Variants in GRID1 observed in about 807,000 individuals in gnomAD.
GRID1 encodes the protein glutamate receptor ionotropic, delta-1.
GRID1 carries 28 observed loss-of-function variants against 98.0 expected under a neutral mutation model. The ratio of observed to expected loss-of-function variants is 0.29; its 90% CI spans 0.21 to 0.39. The LOEUF (loss-of-function observed/expected upper bound fraction) is 0.39, where lower values mean the gene tolerates loss of function less well. Among genes scored for constraint, GRID1 ranks in the 10% least tolerant of loss-of-function variants. The pLI is 1.00. For synonymous variants in GRID1, 553 were observed against 538.5 expected (o/e 1.03, Z -0.37); for missense variants, 1,111 against 1,340.5 (o/e 0.83, Z 2.67).
intron 3 of GRID1, among the ~76,000 whole-genome samples, chr10:86,201,003 G>T (rs867038365): frequency 3.3e-5 from 5 of 152,346 alleles, no homozygotes; most frequent in Middle Eastern, 3.4e-3. Flanking sequence ...TTGGAAAACA[G>T]TTTGGTCTAA....
intron 2 of GRID1, among the ~76,000 whole-genome samples, chr10:86,356,478 T>C (rs562577806): frequency 6.6e-6 from 1 of 152,134 alleles, no homozygotes; most frequent in Non-Finnish European, 1.5e-5. Flanking sequence ...ACATGGCTGG[T>C]TGTGGCCAAC....
intron 3 of GRID1, among the ~76,000 whole-genome samples, chr10:86,197,250 G>C (rs750483694): frequency 6.6e-6 from 1 of 152,162 alleles, no homozygotes; most frequent in Non-Finnish European, 1.5e-5. Flanking sequence ...GCAGACGTCT[G>C]CACGTGCAGG....
chr10:85,780,057 G>A (rs1842367666), intron 8 of GRID1, among the ~76,000 whole-genome samples: 1 of 152,320 alleles, frequency 6.6e-6, no homozygotes, highest in Non-Finnish European at 1.5e-5. Context: ...GCTCCCTTAA[G>A]GCTCAGCAGT....
chr10:85,924,346 C>T (rs1299197067), intron 4 of GRID1, among the ~76,000 whole-genome samples: 4 of 152,120 alleles, frequency 2.6e-5, no homozygotes, highest in Admixed American at 6.5e-5. Flanking sequence ...TTAGTGCTGC[C>T]TGTATTTGCA....
chr10:86,108,267 C>A (rs1844423801), intron 4 of GRID1, among the ~76,000 whole-genome samples: 1 of 152,174 alleles, frequency 6.6e-6, no homozygotes, highest in Non-Finnish European at 1.5e-5. Context: ...AGAACTTTTC[C>A]CACTTCAATA....
intron 15 of GRID1, among the ~76,000 whole-genome samples, chr10:85,609,607 C>A (rs1842711443): frequency 6.6e-6 from 1 of 152,194 alleles, no homozygotes; most frequent in Non-Finnish European, 1.5e-5. Flanking sequence ...CAGAGGCTGC[C>A]CACAGCCAGA....
chr10:85,718,956 G>A (rs1841670283), intron 12 of GRID1, among the ~76,000 whole-genome samples: 1 of 152,172 alleles, frequency 6.6e-6, no homozygotes, highest in African/African-American at 2.4e-5. Flanking sequence ...TTTTAAAATG[G>A]AATGCTTTTA....
At chr10:85,646,524 T>G (rs375850986) in intron 13 of GRID1, 1 of 153,104 alleles carries the variant, frequency 6.5e-6, no homozygotes, top group East Asian at 1.9e-4. Context: ...TATAAGAGGA[T>G]AATGCTGAAT....
intron 8 of GRID1, among the ~76,000 whole-genome samples, chr10:85,831,112 G>T (rs1590253753): frequency 6.8e-6 from 1 of 146,212 alleles, no homozygotes; most frequent in East Asian, 2.0e-4. Context: ...ATACACCATG[G>T]AATACTATGT....
intron 12 of GRID1, among the ~76,000 whole-genome samples, chr10:85,693,723 G>T (rs1204996894): frequency 6.6e-6 from 1 of 152,170 alleles, no homozygotes; most frequent in East Asian, 1.9e-4. Context: ...GGGAAAATTG[G>T]ATTGCCATAT....
chr10:86,310,050 C>G (rs989575619), intron 2 of GRID1, among the ~76,000 whole-genome samples: 5 of 152,236 alleles, frequency 3.3e-5, no homozygotes, highest in Admixed American at 3.3e-4. Flanking sequence ...AGCCTCAGCT[C>G]CACCACCTGC....
At chr10:85,975,681 C>T (rs1180611436) in intron 4 of GRID1, among the ~76,000 whole-genome samples, 1 of 152,072 alleles carries the variant, frequency 6.6e-6, no homozygotes, top group Non-Finnish European at 1.5e-5. Flanking sequence ...TTGGTCCAGG[C>T]CTATGGTCAA....
chr10:86,283,344 G>A (rs1204432661), intron 2 of GRID1, among the ~76,000 whole-genome samples: 2 of 152,184 alleles, frequency 1.3e-5, no homozygotes, highest in Non-Finnish European at 2.9e-5. Context: ...ATAGCACCCA[G>A]GCCTTTCACC....
At chr10:86,103,699 C>T (rs1437742074) in intron 4 of GRID1, among the ~76,000 whole-genome samples, 2 of 152,188 alleles carry the variant, frequency 1.3e-5, no homozygotes, top group East Asian at 3.9e-4. Flanking sequence ...TAAACGTTTG[C>T]CACAGTGGGG....
chr10:86,087,918 C>T (rs1011943570), intron 4 of GRID1, among the ~76,000 whole-genome samples: 1 of 152,218 alleles, frequency 6.6e-6, no homozygotes, highest in Admixed American at 6.5e-5. Context: ...CTCCCCACCC[C>T]CTCTGTCCTC....
chr10:86,354,157 A>T (rs1195754787), intron 2 of GRID1, among the ~76,000 whole-genome samples: 2 of 152,074 alleles, frequency 1.3e-5, no homozygotes, highest in Non-Finnish European at 2.9e-5. Context: ...GGGGACAGAC[A>T]GCAAGAAGAC....
At chr10:86,008,122 C>A (rs1168887804) in intron 4 of GRID1, among the ~76,000 whole-genome samples, 1 of 152,036 alleles carries the variant, frequency 6.6e-6, no homozygotes, top group East Asian at 1.9e-4. Context: ...GCCTGATTAC[C>A]CCTGATCCTG....
intron 8 of GRID1, among the ~76,000 whole-genome samples, chr10:85,773,135 G>A (rs1000918305): frequency 2.6e-5 from 4 of 152,148 alleles, no homozygotes; most frequent in African/African-American, 9.7e-5. Context: ...ATGATCAAGT[G>A]GGCTTCATCC....
At chr10:85,696,136 C>T (rs761320607) in intron 12 of GRID1, among the ~76,000 whole-genome samples, 10 of 152,114 alleles carry the variant, frequency 6.6e-5, no homozygotes, top group Non-Finnish European at 5.9e-5. Context: ...CTGTCAGGCA[C>T]TGTGCTAAGC....
Sources: allele counts gnomAD v4.1 joint callset (sites outside exome capture counted in the v4.1 genomes callset), GRCh38; gene constraint gnomAD v4.1.1; transcripts MANE v1.5; gene names NCBI Gene and HGNC (gene_info 2026-07-23, HGNC 2026-07-21).